Variants in FAM53A observed in about 807,000 individuals in gnomAD.
FAM53A encodes the protein protein FAM53A.
In FAM53A, 28 loss-of-function variants were observed where a neutral mutation model predicts 26.6. The observed-to-expected ratio is 1.05, with a 90% CI of 0.78 to 1.45. FAM53A has a LOEUF of 1.45. Among genes scored for constraint, FAM53A ranks in the 40% most tolerant of loss-of-function variants. FAM53A has a pLI of 0.00. For synonymous variants in FAM53A, 290 were observed against 253.1 expected (o/e 1.15, Z -1.38); for missense variants, 650 against 575.8 (o/e 1.13, Z -1.32).
chr4:1,646,986 T>C (rs1361067969), intron 4 of FAM53A, among the ~76,000 whole-genome samples: 1 of 152,218 alleles, frequency 6.6e-6, no homozygotes, highest in East Asian at 1.9e-4. Context: ...TCAATGGTCA[T>C]ATTTTAATTT....
intron 4 of FAM53A, among the ~76,000 whole-genome samples, chr4:1,646,445 C>G (rs533052153): frequency 1.3e-5 from 2 of 152,140 alleles, no homozygotes; most frequent in Non-Finnish European, 2.9e-5. Context: ...GTGACGTCGT[C>G]GGGGGTATTT....
the FAM53A span, among the ~76,000 whole-genome samples, chr4:1,592,342 C>T: frequency 2.0e-5 from 3 of 152,222 alleles, no homozygotes; most frequent in Admixed American, 2.0e-4. Context: ...GCGAGGGCTC[C>T]GGGAGGCAGC....
chr4:1,617,812 T>A (rs977460713), downstream of FAM53A: 1 of 340,330 alleles, frequency 2.9e-6, no homozygotes, highest in Non-Finnish European at 5.8e-6. Flanking sequence ...CGGTTCTCTT[T>A]CAGCGGTGAG....
At chr4:1,613,363 C>T (rs1489422850), downstream of FAM53A, among the ~76,000 whole-genome samples, 1 of 152,206 alleles carries the variant, frequency 6.6e-6, no homozygotes, top group African/African-American at 2.4e-5. Flanking sequence ...TGAGTGGGCC[C>T]AGTCCCTCAA....
intron 1 of FAM53A, among the ~76,000 whole-genome samples, chr4:1,629,196 C>G (rs4865448): frequency 0.13 from 19,751 of 152,100 alleles, 1,559 homozygotes; most frequent in African/African-American, 0.23. Flanking sequence ...GTGGAGGGAG[C>G]CCCATCCCCA....
intron 1 of FAM53A, among the ~76,000 whole-genome samples, chr4:1,683,266 C>T (rs1409662936): frequency 6.6e-6 from 1 of 152,184 alleles, no homozygotes; most frequent in East Asian, 1.9e-4. Context: ...AGCCTACCTT[C>T]AGGGTGCAAG....
chr4:1,657,289 C>G (rs745620476), intron 3 of FAM53A, 119 bp downstream of exon 3: 28 of 928,084 alleles, frequency 3.0e-5, no homozygotes, highest in Non-Finnish European at 4.6e-5. Context: ...GCAGGGCACA[C>G]GAACACCTTC....
intron 3 of FAM53A, among the ~76,000 whole-genome samples, chr4:1,657,060 T>C (rs538422617): frequency 2.6e-5 from 4 of 152,302 alleles, no homozygotes; most frequent in South Asian, 2.1e-4. Flanking sequence ...CAGCTGACGC[T>C]ACAAGCCCTG....
At chr4:1,623,532 T>C (rs1020445024) in intron 1 of FAM53A, among the ~76,000 whole-genome samples, 1 of 152,166 alleles carries the variant, frequency 6.6e-6, no homozygotes, top group Non-Finnish European at 1.5e-5. Flanking sequence ...GCTGCAGGGC[T>C]GCCCGCCTTC....
In FAM53A at chr4:1,622,102, C is replaced by T. The variant is rs117480290; in HGVS notation, c.432-3991G>A. Among the ~76,000 whole-genome samples the T allele has an allele frequency of 1.9e-3, 288 of 152,332 alleles. 12 individuals are homozygous for T. In the East Asian group the frequency reaches 0.043, roughly 23 times the overall value. ...GCAAGAGACCCTCCAGATGCGGCTG[C>T]GCAATCTGGGACTTCCCAGCCTCCA... is the stretch of plus-strand genomic sequence containing the variant. On this transcript the variant is annotated intron_variant, in intron 1 of 1. Coordinates refer to the FAM53A transcript ENST00000489029.
At position 1,658,736 on chromosome 4, in the gene FAM53A, C is replaced by T. The variant is rs190797870; in HGVS notation, c.76-1268G>A. 4.0e-4 allele frequency among the ~76,000 whole-genome samples: 61 copies of T among 152,358 alleles called. 1 individual carries two copies. The Middle Eastern group carries it at 0.02, about 51-fold the overall frequency. On this transcript the variant is annotated intron_variant, in intron 2 of 4. Transcript: ENST00000308132. Reference sequence around the variant, plus strand: ...GAGGCCATTAATGTGTCTGCTTCCACGCACTGGCCCGTGCAGGCGGGACAC... The same window carrying T: ...GAGGCCATTAATGTGTCTGCTTCCATGCACTGGCCCGTGCAGGCGGGACAC...
chr4:1,624,821 C>A (rs1025129759), intron 1 of FAM53A, among the ~76,000 whole-genome samples: 1 of 152,270 alleles, frequency 6.6e-6, no homozygotes, highest in African/African-American at 2.4e-5. Context: ...GGAAGAACCA[C>A]TCAAGGACCC....
At chr4:1,590,973 T>C in the FAM53A span, among the ~76,000 whole-genome samples, 228 of 124,828 alleles carry the variant, frequency 1.8e-3, 6 homozygotes, top group African/African-American at 5.6e-3. Flanking sequence ...TATATATATA[T>C]ATATATATAT....
downstream of FAM53A, among the ~76,000 whole-genome samples, chr4:1,637,314 C>A (rs927281220): frequency 1.3e-5 from 2 of 152,318 alleles, no homozygotes; most frequent in East Asian, 3.9e-4. Flanking sequence ...GAGGCTGCCA[C>A]CCCACGCTGC....
In FAM53A at chr4:1,659,390, G is replaced by A. The variant is rs925282329; in HGVS notation, c.76-1922C>T. ...TCTCCTCCTGTTCCGCACAGCACCC[G>A]TTCCCCGGGGCCACATGAACAGCAC... On this transcript the variant is annotated intron_variant, in intron 2 of 4. Coordinates refer to ENST00000308132, the MANE Select transcript of FAM53A (RefSeq NM_001174070.3). The surrounding 1 kb of genome is among the most constrained non-coding windows in gnomAD (Gnocchi z 5.2). 2.0e-5 allele frequency among the ~76,000 whole-genome samples: 3 copies of A among 152,230 alleles called. No homozygotes were observed. The highest frequency in any genetic ancestry group is 2.9e-5 in the Non-Finnish European group (2 of 68,036).
the FAM53A span, among the ~76,000 whole-genome samples, chr4:1,610,171 C>A: frequency 3.3e-5 from 5 of 151,926 alleles, no homozygotes; most frequent in African/African-American, 7.3e-5. Context: ...CGAGGGGGCA[C>A]CCAGGACTGG....
At chr4:1,621,755 A>T (rs1271981977) in intron 1 of FAM53A, among the ~76,000 whole-genome samples, 2 of 152,232 alleles carry the variant, frequency 1.3e-5, no homozygotes, top group Non-Finnish European at 2.9e-5. Context: ...AGGAACCAGC[A>T]GGTCACACAG....
At chr4:1,600,129 G>C in the FAM53A span, among the ~76,000 whole-genome samples, 25 of 152,260 alleles carry the variant, frequency 1.6e-4, no homozygotes, top group African/African-American at 6.0e-4. Context: ...CAGCTGAGCC[G>C]AGGTGGGGGC....
intron 3 of FAM53A, among the ~76,000 whole-genome samples, chr4:1,657,186 C>G (rs1264445497): frequency 6.6e-6 from 1 of 152,246 alleles, no homozygotes; most frequent in Non-Finnish European, 1.5e-5. Context: ...TGGCTGGGCC[C>G]GCACCCTACA....
Sources: gnomAD v4.1 joint callset for allele counts (sites outside exome capture counted in the v4.1 genomes callset) on GRCh38, gnomAD v4.1.1 for gene constraint, Gnocchi (gnomAD v3.1) non-coding constraint, MANE v1.5 for transcripts, NCBI Gene and HGNC (gene_info 2026-07-23, HGNC 2026-07-21) for gene names.